Variants in CSMD1 observed in about 807,000 individuals in gnomAD.
CSMD1 encodes CUB and Sushi multiple domains 1, also known as CUB and sushi domain-containing protein 1.
In CSMD1, 213 loss-of-function variants were observed where a neutral mutation model predicts 417.5. The observed-to-expected ratio is 0.51, with a 90% CI of 0.46 to 0.57. CSMD1 has a LOEUF of 0.57. Among genes scored for constraint, CSMD1 ranks in the 20% least tolerant of loss-of-function variants. The pLI, the probability that CSMD1 is intolerant of heterozygous loss-of-function variation, is 0.00. For missense variants in CSMD1, 6,923 were observed against 4,529.7 expected (o/e 1.53, Z -15.17); for synonymous variants, 2,862 against 1,736.8 (o/e 1.65, Z -16.11).
At chr8:3,455,676 T>C (rs1417577872) in intron 12 of CSMD1, among the ~76,000 whole-genome samples, 1 of 152,192 alleles carries the variant, frequency 6.6e-6, no homozygotes, top group Non-Finnish European at 1.5e-5. Context: ...TCTGGAAATT[T>C]TGTCTCAGAG....
intron 5 of CSMD1, among the ~76,000 whole-genome samples, chr8:3,971,049 C>A (rs1412212326): frequency 6.6e-6 from 1 of 152,090 alleles, no homozygotes; most frequent in Non-Finnish European, 1.5e-5. Context: ...CCGCGCCCGG[C>A]CTACATGGAA....
intron 3 of CSMD1, among the ~76,000 whole-genome samples, chr8:4,404,483 A>G (rs752148561): frequency 1.4e-4 from 21 of 152,204 alleles, no homozygotes; most frequent in Non-Finnish European, 2.1e-4. Context: ...TTTGAGGCAT[A>G]TTGAGTGATA....
At chr8:2,947,663 AC>A (rs781300864) in intron 68 of CSMD1, among the ~76,000 whole-genome samples, 57 of 152,226 alleles carry the variant, frequency 3.7e-4, no homozygotes, top group Admixed American at 1.0e-3. Flanking sequence ...TGTACAGCTC[AC>A]TGGGGTGTCC....
chr8:4,078,083 T>G (rs943183691), intron 3 of CSMD1, among the ~76,000 whole-genome samples: 4 of 152,170 alleles, frequency 2.6e-5, no homozygotes, highest in African/African-American at 9.7e-5. Flanking sequence ...AATGCCTACA[T>G]GCCAAAGAGA....
chr8:4,316,947 T>A (rs528864423), intron 3 of CSMD1, among the ~76,000 whole-genome samples: 1 of 152,074 alleles, frequency 6.6e-6, no homozygotes, highest in Non-Finnish European at 1.5e-5. Context: ...ATGCCACATG[T>A]CAGATTCATA....
chr8:3,893,362 T>TATA (rs1554476819), intron 5 of CSMD1, among the ~76,000 whole-genome samples: 8 of 125,588 alleles, frequency 6.4e-5, no homozygotes, highest in Middle Eastern at 4.3e-3. Context: ...TATATATATA[T>TATA]TATTTTTTTT....
chr8:3,973,615 A>G (rs1300080633), intron 5 of CSMD1, among the ~76,000 whole-genome samples: 1 of 152,120 alleles, frequency 6.6e-6, no homozygotes, highest in East Asian at 1.9e-4. Context: ...CAATTTCATC[A>G]TTGTGATGCT....
intron 3 of CSMD1, among the ~76,000 whole-genome samples, chr8:4,121,202 C>T (rs948581764): frequency 1.3e-5 from 2 of 152,060 alleles, no homozygotes; most frequent in Non-Finnish European, 2.9e-5. Flanking sequence ...GCAACCTCTG[C>T]CTCTCGGGTT....
At chr8:4,281,956 G>C (rs1245199933) in intron 3 of CSMD1, among the ~76,000 whole-genome samples, 1 of 152,194 alleles carries the variant, frequency 6.6e-6, no homozygotes, top group Admixed American at 6.5e-5. Flanking sequence ...GTTAGGGCTT[G>C]ATCAGGTTTA....
chr8:3,115,486 G>A (rs1229448405), intron 42 of CSMD1, among the ~76,000 whole-genome samples: 1 of 152,156 alleles, frequency 6.6e-6, no homozygotes, highest in Non-Finnish European at 1.5e-5. Flanking sequence ...ACAGGCGTGA[G>A]CCACTGTGCC....
intron 1 of CSMD1, among the ~76,000 whole-genome samples, chr8:4,822,506 T>C (rs1338838514): frequency 6.6e-6 from 1 of 152,120 alleles, no homozygotes; most frequent in Non-Finnish European, 1.5e-5. Flanking sequence ...CTCATTTACC[T>C]GGGCCACAGG....
At chr8:3,293,079 C>G (rs147845119) in intron 25 of CSMD1, among the ~76,000 whole-genome samples, 7,249 of 152,104 alleles carry the variant, frequency 0.048, 257 homozygotes, top group East Asian at 0.13. Flanking sequence ...TTCTCCTTCA[C>G]TTATGAAGCT....
intron 1 of CSMD1, among the ~76,000 whole-genome samples, chr8:4,651,550 T>G (rs1444445758): frequency 1.3e-5 from 2 of 152,238 alleles, no homozygotes; most frequent in Non-Finnish European, 2.9e-5. Flanking sequence ...AGTCATAATT[T>G]ACTATTTTAC....
intron 4 of CSMD1, among the ~76,000 whole-genome samples, chr8:4,030,131 A>G (rs1039975695): frequency 1.3e-5 from 2 of 152,158 alleles, no homozygotes; most frequent in Non-Finnish European, 2.9e-5. Context: ...TTCCAGGTGC[A>G]TGATGCAAGG....
At chr8:3,865,453 C>T (rs1371532927) in intron 5 of CSMD1, among the ~76,000 whole-genome samples, 1 of 151,980 alleles carries the variant, frequency 6.6e-6, no homozygotes, top group East Asian at 1.9e-4. Flanking sequence ...GGCAGAGTCA[C>T]AGGTGCTCTT....
chr8:4,239,556 T>C (rs887942493), intron 3 of CSMD1, among the ~76,000 whole-genome samples: 1 of 152,176 alleles, frequency 6.6e-6, no homozygotes, highest in Non-Finnish European at 1.5e-5. Flanking sequence ...GCATGTTATG[T>C]GCCACCCCAT....
chr8:4,407,822 C>G (rs1429734167), intron 3 of CSMD1, among the ~76,000 whole-genome samples: 2 of 152,100 alleles, frequency 1.3e-5, no homozygotes, highest in African/African-American at 2.4e-5. Flanking sequence ...AGGTTTTGAA[C>G]AAGTGTGAAA....
chr8:3,252,809 A>C (rs796884551), intron 26 of CSMD1, among the ~76,000 whole-genome samples: 1 of 151,990 alleles, frequency 6.6e-6, no homozygotes, highest in South Asian at 2.1e-4. Context: ...ATGTGTCCAG[A>C]AATTTATCCA....
chr8:3,848,676 A>G (rs866258721), intron 5 of CSMD1, among the ~76,000 whole-genome samples: 127 of 152,246 alleles, frequency 8.3e-4, no homozygotes, highest in African/African-American at 2.9e-3. Flanking sequence ...TTCAGATCCT[A>G]TTATGCTCCT....
Sources: allele counts gnomAD v4.1 joint callset (sites outside exome capture counted in the v4.1 genomes callset), GRCh38; gene constraint gnomAD v4.1.1; transcripts MANE v1.5; gene names NCBI Gene and HGNC (gene_info 2026-07-23, HGNC 2026-07-21).